Variants in FAAH observed in about 807,000 individuals in gnomAD.
FAAH encodes the protein fatty-acid amide hydrolase 1.
In FAAH, 63 loss-of-function variants were observed where a neutral mutation model predicts 69.7. The observed-to-expected ratio is 0.90, with a 90% CI of 0.74 to 1.12. The LOEUF is 1.12. FAAH is among the 50% of genes most tolerant of loss of function. FAAH has a pLI of 0.00. For missense variants in FAAH, 680 were observed against 755.0 expected (o/e 0.90, Z 1.16); for synonymous variants, 305 against 324.2 (o/e 0.94, Z 0.64).
Position 46,411,138 on chromosome 1 carries a change from G to A in FAAH, c.1316+284G>A, listed in dbSNP as rs1405314463. On this transcript the variant is annotated intron_variant, in intron 11 of 14. Coordinates refer to ENST00000243167, the MANE Select transcript of FAAH (RefSeq NM_001441.3). This position sits in a 1 kb window ranked among gnomAD's most constrained non-coding sequence, Gnocchi z 4.8. ...GCATGAGTGGAAAGGACCAGGAAGT[G>A]GGGGTTGGCCTGGGCCAAGGGTGGG... Among the ~76,000 whole-genome samples the A allele has an allele frequency of 6.6e-6, 1 of 152,238 alleles. No homozygotes were observed. The highest frequency in any genetic ancestry group is 1.9e-4 in the East Asian group (1 of 5,198).
chr1:46,404,431 T>C lies in FAAH; in HGVS notation c.310-583T>C, dbSNP rs1388453980. Among the ~76,000 whole-genome samples the C allele has an allele frequency of 2.0e-5, 3 of 152,232 alleles. No individual in the cohort carries two copies. Among genetic ancestry groups the C allele is most frequent in the Non-Finnish European group, 4.4e-5 (3 of 68,034 alleles). On this transcript the variant is annotated intron_variant, in intron 2 of 14. Transcript: ENST00000243167. This position sits in a 1 kb window ranked among gnomAD's most constrained non-coding sequence, Gnocchi z 4.5. ...TCTAGGCAGATTTCCACTATTAGCA[T>C]GTTCTTCCCTTTTGTCAAGCTCCTA...
At chr1:46,407,062 C>T (rs1246567435) in intron 7 of FAAH, among the ~76,000 whole-genome samples, 1 of 151,740 alleles carries the variant, frequency 6.6e-6, no homozygotes, top group Non-Finnish European at 1.5e-5. Context: ...CTGCAGACCC[C>T]AGCTCATGTA....
chr1:46,412,202 C>T lies in FAAH; in HGVS notation c.1416C>T (p.Thr472=), dbSNP rs200326400. ...WRALDLDVVL[T]PMLAPALDLN... ...CGCTGGACCTGGATGTGGTGCTGAC[C>T]CCCATGCTGGCCCCTGCTCTGGACT... The change falls in exon 13 of 15, where the codon ACC becomes ACT. Residue 472 remains threonine (T), a synonymous_variant. Transcript: ENST00000243167. 24 of 1,563,122 alleles carry T rather than the reference C, an allele frequency of 1.5e-5. No individual in the cohort carries two copies. Among genetic ancestry groups the T allele is most frequent in the Non-Finnish European group, 1.8e-5 (21 of 1,153,590 alleles).
chr1:46,395,254 T>C (rs111849147), intron 1 of FAAH, among the ~76,000 whole-genome samples: 7 of 152,200 alleles, frequency 4.6e-5, no homozygotes, highest in Non-Finnish European at 1.0e-4. Context: ...TCTTGATTTG[T>C]GCATTTGGAT....
rs1664885201 is a variant in FAAH at position 46,410,175 on chromosome 1, C to T, written c.1176-223C>T. 3.5e-6 allele frequency: 2 copies of T among 579,170 alleles called. No homozygotes were observed. Among genetic ancestry groups the T allele is most frequent in the Admixed American group, 2.8e-5 (1 of 35,196 alleles). The allele number at this position is 579,170 out of a possible 1,614,324, so 35.9% of individuals were successfully genotyped here. A position where few individuals can be genotyped will look rare whatever the true frequency, so the allele number is the denominator to read the frequency against. ...GAGCTGGGTTTGCTGGAGAGGGATACCCTGAGTCCTGCCTTGGGGAGCTCC... is the reference window on the plus strand; with the variant it reads ...GAGCTGGGTTTGCTGGAGAGGGATATCCTGAGTCCTGCCTTGGGGAGCTCC... On this transcript the variant is annotated intron_variant, in intron 9 of 14. Coordinates refer to ENST00000243167, the MANE Select transcript of FAAH (RefSeq NM_001441.3). The surrounding 1 kb of genome is among the most constrained non-coding windows in gnomAD (Gnocchi z 4.9).
chr1:46,402,673 C>T (rs933283763), intron 2 of FAAH, among the ~76,000 whole-genome samples: 17 of 151,512 alleles, frequency 1.1e-4, no homozygotes, highest in East Asian at 1.9e-4. Context: ...CCACTACACC[C>T]GGCTAATGAA....
At position 46,394,323 on chromosome 1, in the gene FAAH, G is replaced by A; in HGVS notation, c.-26G>A. 6.5e-7 allele frequency: 1 copy of A among 1,542,564 alleles called. No individual in the cohort carries two copies. Among genetic ancestry groups the A allele is most frequent in the Non-Finnish European group, 8.7e-7 (1 of 1,148,486 alleles). ...GCGTGCGGCGGCTTCAACTGTCGCG[G>A]TAGGCAGCAGCAGGCTGAAGGGATC... On this transcript the variant is annotated 5_prime_UTR_variant, in exon 1 of 15. Transcript: ENST00000243167.
Position 46,410,206 on chromosome 1 carries a change from A to T in FAAH, c.1176-192A>T. ...GTCCTGCCTTGGGGAGCTCCCGTGG[A>T]TGTGGGTTGCAGCCCAGGCATCCCA... On this transcript the variant is annotated intron_variant, in intron 9 of 14. Transcript: ENST00000243167. This position sits in a 1 kb window ranked among gnomAD's most constrained non-coding sequence, Gnocchi z 4.9. 4 of 666,978 alleles carry T rather than the reference A, an allele frequency of 6.0e-6. No individual in the cohort carries two copies. The highest frequency in any genetic ancestry group is 1.1e-5 in the Non-Finnish European group (4 of 360,160). 41.3% of individuals were successfully genotyped at this position (666,978 alleles called of 1,614,324 possible).
At position 46,404,817 on chromosome 1, in the gene FAAH, G is replaced by A. The variant is rs1485947552; in HGVS notation, c.310-197G>A. Among the ~76,000 whole-genome samples the A allele has an allele frequency of 6.6e-6, 1 of 152,204 alleles. No individual in the cohort carries two copies. Among genetic ancestry groups the A allele is most frequent in the African/African-American group, 2.4e-5 (1 of 41,446 alleles). The stretch of plus-strand genomic sequence containing the variant: ...GAAGGCCAGAGACAGCCAGGATGAG[G>A]CCTGGGCCAAATGTCCCTAGTGAGG... On this transcript the variant is annotated intron_variant, in intron 2 of 14. Transcript: ENST00000243167. The surrounding 1 kb of genome is among the most constrained non-coding windows in gnomAD (Gnocchi z 4.5).
In FAAH at chr1:46,413,571, C is replaced by T; in HGVS notation, c.1736C>T (p.Ser579Phe). 3.1e-6 allele frequency: 5 copies of T among 1,614,074 alleles called. No homozygotes were observed. In the African/African-American group the frequency reaches 4.0e-5, roughly 13 times the overall value. Residue 579 changes from serine to phenylalanine, a missense_variant, in exon 15 of 15, where the codon TCC (serine) becomes TTC (phenylalanine). Transcript: ENST00000243167. ...ERLMTPEKQSS is the reference protein window; with the variant it reads ...ERLMTPEKQSF ...CTGATGACCCCTGAAAAGCAGTCATCCTGATGGCTCTGGCTCCAGAGGACC... is the reference window on the plus strand; with the variant it reads ...CTGATGACCCCTGAAAAGCAGTCATTCTGATGGCTCTGGCTCCAGAGGACC...
chr1:46,400,140 G>T (rs1385576149), intron 1 of FAAH, among the ~76,000 whole-genome samples: 1 of 151,256 alleles, frequency 6.6e-6, no homozygotes, highest in African/African-American at 2.4e-5. Flanking sequence ...GGGGGCAGAG[G>T]CTGTGGCATG....
At chr1:46,412,985 G>C (rs1664943586) in intron 13 of FAAH, 90 bp from the exon 14 acceptor site, 1 of 1,481,522 alleles carries the variant, frequency 6.7e-7, no homozygotes, top group African/African-American at 1.4e-5. Context: ...TGTAGACACA[G>C]GGTGCCATTT....
At position 46,406,307 on chromosome 1, in the gene FAAH, T is replaced by A; in HGVS notation, c.890T>A (p.Leu297Gln). The change falls in exon 7 of 15, where the codon CTG becomes CAG. Residue 297 changes from leucine to glutamine, a missense_variant. Transcript: ENST00000243167. ...VESLALCLRA[L>Q]LCEDMFRLDP... ...AGCCTGGCACTGTGCCTGCGAGCCCTGCTGTGTGAGGACATGTTCCGCTTG... is the reference window on the plus strand; with the variant it reads ...AGCCTGGCACTGTGCCTGCGAGCCCAGCTGTGTGAGGACATGTTCCGCTTG... 1 of 1,613,884 alleles carries A rather than the reference T, an allele frequency of 6.2e-7. No homozygotes were observed. Among genetic ancestry groups the A allele is most frequent in the Non-Finnish European group, 8.5e-7 (1 of 1,179,846 alleles).
rs78984535 is a variant in FAAH at position 46,413,589 on chromosome 1, A to G, written c.*14A>G. Reference sequence around the variant, plus strand: ...CAGTCATCCTGATGGCTCTGGCTCCAGAGGACCTGAGACTCACACTCTCTG... The same window carrying G: ...CAGTCATCCTGATGGCTCTGGCTCCGGAGGACCTGAGACTCACACTCTCTG... On this transcript the variant is annotated 3_prime_UTR_variant, in exon 15 of 15. Coordinates refer to ENST00000243167, the MANE Select transcript of FAAH (RefSeq NM_001441.3). The G allele has an allele frequency of 1.7e-3, 2,787 of 1,614,036 alleles. 31 individuals carry two copies. In the East Asian group the frequency reaches 0.021, roughly 12 times the overall value.
In FAAH at chr1:46,408,517, TG is replaced by T. The variant is rs761331980; in HGVS notation, c.1011del (p.Met337IlefsTer6). On this transcript the variant is annotated frameshift_variant, in exon 8 of 15. Coordinates refer to ENST00000243167, the MANE Select transcript of FAAH (RefSeq NM_001441.3). LOFTEE classifies it high-confidence loss of function. ...TACTATGAGACTGACAACTATACCA[TG>T]CCCTCCCCGGCCATGAGGCGGGCCG... ...VGYYETDNYT[M>X]PSPAMRRAVL... The T allele has an allele frequency of 6.2e-7, 1 of 1,614,084 alleles. No individual in the cohort carries two copies. Among genetic ancestry groups the T allele is most frequent in the Non-Finnish European group, 8.5e-7 (1 of 1,180,018 alleles).
intron 1 of FAAH, among the ~76,000 whole-genome samples, chr1:46,401,129 G>T (rs1182867764): frequency 9.5e-6 from 1 of 105,638 alleles, no homozygotes; most frequent in Non-Finnish European, 2.0e-5. Context: ...CAGGGGAGGA[G>T]GGGGAGTAGG....
At position 46,410,875 on chromosome 1, in the gene FAAH, A is replaced by G. The variant is rs200290995; in HGVS notation, c.1316+21A>G. ...TCTCGGTAAGGGTTCTTCTGTGTCT[A>G]GCTGCCGGCCCCTGCCTGTCCTGAT... On this transcript the variant is annotated intron_variant, in intron 11 of 14. Transcript: ENST00000243167. This position sits in a 1 kb window ranked among gnomAD's most constrained non-coding sequence, Gnocchi z 4.9. 1 of 1,614,056 alleles carries G rather than the reference A, an allele frequency of 6.2e-7. No individual in the cohort carries two copies. The highest frequency in any genetic ancestry group is 8.5e-7 in the Non-Finnish European group (1 of 1,179,984).
At chr1:46,402,048 G>C in intron 1 of FAAH, 43 bp from the exon 2 acceptor site, 1 of 1,522,938 alleles carries the variant, frequency 6.6e-7, no homozygotes, top group Non-Finnish European at 9.0e-7. Flanking sequence ...AGGCCCATGA[G>C]ACTTCGGCGA....
Position 46,412,251 on chromosome 1 carries a change from G to A in FAAH, c.1465G>A (p.Gly489Arg). ...CTTGAATGCCCCAGGCAGGGCCACAGGTGAGGCCCGACACCCTGCCTGTCC... is the reference window on the plus strand; with the variant it reads ...CTTGAATGCCCCAGGCAGGGCCACAAGTGAGGCCCGACACCCTGCCTGTCC... ...LDLNAPGRAT[G>R]AVSYTMLYNC... Residue 489 changes from glycine to arginine, a missense_variant and splice_region_variant, in exon 13 of 15, where the codon GGG becomes AGG. Coordinates refer to ENST00000243167, the MANE Select transcript of FAAH (RefSeq NM_001441.3). 1 of 1,549,582 alleles carries A rather than the reference G, an allele frequency of 6.5e-7. No homozygotes were observed. Among genetic ancestry groups the A allele is most frequent in the Non-Finnish European group, 8.7e-7 (1 of 1,145,070 alleles).
Sources: allele counts gnomAD v4.1 joint callset (sites outside exome capture counted in the v4.1 genomes callset), GRCh38; gene constraint gnomAD v4.1.1; non-coding constraint Gnocchi (gnomAD v3.1); transcripts MANE v1.5; gene names NCBI Gene and HGNC (gene_info 2026-07-23, HGNC 2026-07-21).